Variants in SHISAL1 observed in about 807,000 individuals in gnomAD.
The protein encoded by SHISAL1 is shisa like 1.
SHISAL1 carries 9 observed loss-of-function variants against 22.6 expected under a neutral mutation model. The ratio of observed to expected loss-of-function variants is 0.40; its 90% confidence interval spans 0.24 to 0.70. The LOEUF is 0.70. SHISAL1 is among the 30% of genes least tolerant of loss of function. The pLI is 0.39. For synonymous variants in SHISAL1, 119 were observed against 115.4 expected (o/e 1.03, Z -0.20); for missense variants, 246 against 270.6 (o/e 0.91, Z 0.64).
chr22:44,250,950 C>T (rs1228232879), intron 4 of SHISAL1, among the ~76,000 whole-genome samples: 1 of 152,232 alleles, frequency 6.6e-6, no homozygotes, highest in East Asian at 1.9e-4. Context: ...GCAGAACCTA[C>T]TCTCCACCCT....
At chr22:44,296,936 TGCCAA>T in intron 2 of SHISAL1, 51 bp from the exon 3 acceptor site, 1 of 1,462,628 alleles carries the variant, frequency 6.8e-7, no homozygotes, top group Non-Finnish European at 9.5e-7. Flanking sequence ...AGTCCACGGG[TGCCAA>T]GAGGCAGGGG....
chr22:44,291,481 G>A lies in SHISAL1; in HGVS notation c.281+5191C>T, dbSNP rs184061262. 1.4e-3 allele frequency among the ~76,000 whole-genome samples: 215 copies of A among 152,296 alleles called. 1 individual carries two copies. Among genetic ancestry groups the A allele is most frequent in the African/African-American group, 4.8e-3 (201 of 41,552 alleles). On this transcript the variant is annotated intron_variant, in intron 3 of 4. Coordinates refer to ENST00000381176, the MANE Select transcript of SHISAL1 (RefSeq NM_001099294.2). The stretch of plus-strand genomic sequence containing the variant: ...GGAAGGTCCTTCATAGATAACAGAT[G>A]GAGGGTGTCAGCATGAGTCAGGCCC...
At chr22:44,301,364 G>A (rs139488979) in intron 1 of SHISAL1, among the ~76,000 whole-genome samples, 3 of 152,252 alleles carry the variant, frequency 2.0e-5, no homozygotes, top group African/African-American at 7.2e-5. Flanking sequence ...TGTCGCTAAG[G>A]TGGAGGGTTT....
the SHISAL1 span, among the ~76,000 whole-genome samples, chr22:44,330,534 C>T: frequency 6.6e-6 from 1 of 152,124 alleles, no homozygotes; most frequent in South Asian, 2.1e-4. Flanking sequence ...AGGGGTGAGG[C>T]TGGGGCAGCT....
At chr22:44,323,468 C>CT in the SHISAL1 span, among the ~76,000 whole-genome samples, 104 of 112,978 alleles carry the variant, frequency 9.2e-4, 3 homozygotes, top group East Asian at 1.9e-3. Context: ...ATTCATCCAT[C>CT]CATCCATTCA....
At chr22:44,304,845 G>T (rs1445448469) in intron 1 of SHISAL1, among the ~76,000 whole-genome samples, 1 of 152,102 alleles carries the variant, frequency 6.6e-6, no homozygotes. Flanking sequence ...CCAGACTCCA[G>T]CTCCTCTGGC....
At chr22:44,331,645 C>T in the SHISAL1 span, among the ~76,000 whole-genome samples, 1 of 148,866 alleles carries the variant, frequency 6.7e-6, no homozygotes, top group Non-Finnish European at 1.5e-5. This position sits in a 1 kb window ranked among gnomAD's most constrained non-coding sequence, Gnocchi z 5.2. Context: ...TGCGGGGACG[C>T]GGGGACTCCG....
At chr22:44,272,883 C>T (rs1405936234) in intron 4 of SHISAL1, among the ~76,000 whole-genome samples, 1 of 152,168 alleles carries the variant, frequency 6.6e-6, no homozygotes, top group African/African-American at 2.4e-5. Context: ...ATTGCCTGGG[C>T]TTAGGAGTTC....
chr22:44,302,090 C>T (rs1272082117), intron 1 of SHISAL1, among the ~76,000 whole-genome samples: 1 of 152,182 alleles, frequency 6.6e-6, no homozygotes, highest in Non-Finnish European at 1.5e-5. Context: ...GTTGTAATCC[C>T]AGCACTTTGG....
At chr22:44,272,375 C>T (rs146547344) in intron 4 of SHISAL1, among the ~76,000 whole-genome samples, 4,631 of 152,310 alleles carry the variant, frequency 0.03, 247 homozygotes, top group African/African-American at 0.11. Flanking sequence ...AATGGATTTT[C>T]TACACATCAC....
intron 4 of SHISAL1, among the ~76,000 whole-genome samples, chr22:44,283,535 T>C (rs1176167317): frequency 1.3e-5 from 2 of 152,282 alleles, no homozygotes; most frequent in East Asian, 3.9e-4. Context: ...GGGGAGCTGT[T>C]AGCAGCAAGC....
At position 44,246,566 on chromosome 22, in the gene SHISAL1, C is replaced by A. The variant is rs1309609923; in HGVS notation, c.*3119G>T. ...TCCTTGAGGGACCTTCCAGCCACAA[C>A]CACAGCAGGATGGGGACAGTGTTTA... On this transcript the variant is annotated 3_prime_UTR_variant, in exon 5 of 5. Transcript: ENST00000381176. The A allele has an allele frequency of 2.6e-5, 4 of 152,478 alleles. No individual in the cohort carries two copies. The highest frequency in any genetic ancestry group is 9.7e-5 in the African/African-American group (4 of 41,446). 9.4% of individuals were successfully genotyped at this position (152,478 alleles called of 1,614,324 possible). A position where few individuals can be genotyped will look rare whatever the true frequency, so the allele number is the denominator to read the frequency against.
upstream of SHISAL1, among the ~76,000 whole-genome samples, chr22:44,314,530 T>C (rs2055545091): frequency 6.6e-6 from 1 of 152,162 alleles, no homozygotes; most frequent in African/African-American, 2.4e-5. Context: ...GCAGGAATTT[T>C]AAAAGTTCAC....
intron 1 of SHISAL1, among the ~76,000 whole-genome samples, chr22:44,304,168 A>G (rs2055453748): frequency 6.6e-6 from 1 of 152,156 alleles, no homozygotes; most frequent in African/African-American, 2.4e-5. Flanking sequence ...CAGAGGGGAC[A>G]CCAACCTGGG....
chr22:44,261,533 C>G (rs1197431346), intron 4 of SHISAL1, among the ~76,000 whole-genome samples: 3 of 152,196 alleles, frequency 2.0e-5, no homozygotes, highest in Admixed American at 2.0e-4. Context: ...AGCTGTGTGA[C>G]CCTGGGTGAG....
chr22:44,261,287 A>G (rs1260319868), intron 4 of SHISAL1, among the ~76,000 whole-genome samples: 1 of 151,794 alleles, frequency 6.6e-6, no homozygotes, highest in Non-Finnish European at 1.5e-5. Context: ...TCTTTCCAGA[A>G]AGCCCAGTGT....
upstream of SHISAL1, among the ~76,000 whole-genome samples, chr22:44,317,587 G>T (rs2055566097): frequency 6.6e-6 from 1 of 152,228 alleles, no homozygotes; most frequent in East Asian, 1.9e-4. Flanking sequence ...CTTCTCAGCT[G>T]CCCTGGCCCT....
At chr22:44,318,224 T>C in the SHISAL1 span, among the ~76,000 whole-genome samples, 83 of 152,376 alleles carry the variant, frequency 5.4e-4, no homozygotes, top group African/African-American at 1.9e-3. Flanking sequence ...GGAACATCCC[T>C]TATAACGGGG....
At chr22:44,254,209 G>C (rs952424135) in intron 4 of SHISAL1, among the ~76,000 whole-genome samples, 16 of 152,028 alleles carry the variant, frequency 1.1e-4, no homozygotes, top group African/African-American at 3.4e-4. Context: ...AAATGAGAAA[G>C]AATGAATTGC....
Sources: gnomAD v4.1 joint callset for allele counts (sites outside exome capture counted in the v4.1 genomes callset) on GRCh38, gnomAD v4.1.1 for gene constraint, Gnocchi (gnomAD v3.1) non-coding constraint, MANE v1.5 for transcripts, NCBI Gene and HGNC (gene_info 2026-07-23, HGNC 2026-07-21) for gene names.